BNC2: variants seen among roughly 807,000 people sequenced by gnomAD.
BNC2 encodes zinc finger protein basonuclin-2.
Under a neutral mutation model 76.3 loss-of-function variants are expected in BNC2, and 20 were observed. The observed-to-expected ratio is 0.26, with a 90% CI of 0.18 to 0.38. BNC2 has a LOEUF of 0.38. Among genes scored for constraint, BNC2 ranks in the 10% least tolerant of loss-of-function variants. The probability of loss-of-function intolerance (pLI) is 1.00; values close to 1 mark genes in which losing one functional copy is unlikely to be tolerated. For missense variants in BNC2, 1,382 were observed against 1,399.8 expected (o/e 0.99, Z 0.20); for synonymous variants, 582 against 514.8 (o/e 1.13, Z -1.77).
At chr9:16,663,128 C>CTTTTTTTT (rs1220327938) in intron 3 of BNC2, among the ~76,000 whole-genome samples, 19 of 51,674 alleles carry the variant, frequency 3.7e-4, no homozygotes, top group African/African-American at 1.0e-3. Context: ...ACTCTGTTTA[C>CTTTTTTTT]TCTTTTTTTT....
At chr9:16,558,996 T>C (rs889351476) in intron 4 of BNC2, among the ~76,000 whole-genome samples, 1 of 151,914 alleles carries the variant, frequency 6.6e-6, no homozygotes, top group African/African-American at 2.4e-5. Context: ...AGTATGTTAG[T>C]TCCAGGCTGA....
intron 4 of BNC2, among the ~76,000 whole-genome samples, chr9:16,557,328 A>G (rs988024559): frequency 6.6e-6 from 1 of 151,886 alleles, no homozygotes; most frequent in African/African-American, 2.4e-5. Context: ...GGGAAACTCC[A>G]CCTTTACTAA....
intron 1 of BNC2, among the ~76,000 whole-genome samples, chr9:16,802,105 C>A (rs1817799639): frequency 6.6e-6 from 1 of 152,140 alleles, no homozygotes; most frequent in Non-Finnish European, 1.5e-5. Context: ...AAGAAAAAAA[C>A]ATAGCTATCA....
intron 1 of BNC2, among the ~76,000 whole-genome samples, chr9:16,808,696 CT>C (rs201554413): frequency 2.4e-4 from 35 of 144,582 alleles, no homozygotes; most frequent in Admixed American, 4.2e-4. Context: ...GTTGCCCAAG[CT>C]TTTTTTTTTA....
chr9:16,733,557 A>G (rs1323357114), intron 2 of BNC2, among the ~76,000 whole-genome samples: 2 of 152,184 alleles, frequency 1.3e-5, no homozygotes, highest in Non-Finnish European at 2.9e-5. Context: ...CGCCCAAAAA[A>G]AAAAGAAAAC....
chr9:16,478,962 G>C (rs985598315), intron 5 of BNC2, among the ~76,000 whole-genome samples: 1 of 152,158 alleles, frequency 6.6e-6, no homozygotes, highest in Non-Finnish European at 1.5e-5. Flanking sequence ...GAAAAACTTG[G>C]TGGTTGGGGC....
chr9:16,751,863 C>A (rs922709962), intron 1 of BNC2, among the ~76,000 whole-genome samples: 1 of 151,874 alleles, frequency 6.6e-6, no homozygotes, highest in African/African-American at 2.4e-5. Flanking sequence ...AACCCCATCT[C>A]TACTAAAATA....
intron 5 of BNC2, among the ~76,000 whole-genome samples, chr9:16,507,594 A>G (rs902150048): frequency 4.6e-5 from 7 of 152,050 alleles, no homozygotes; most frequent in African/African-American, 1.4e-4. Context: ...ATGCCTGGCT[A>G]ATTTTTGTAT....
chr9:16,566,137 CTCATA>C (rs1221828242), intron 4 of BNC2, among the ~76,000 whole-genome samples: 1 of 152,082 alleles, frequency 6.6e-6, no homozygotes, highest in East Asian at 1.9e-4. Flanking sequence ...GAGAGGCTCC[CTCATA>C]TAAGAGGAAA....
At chr9:16,792,524 C>A (rs1367565494) in intron 1 of BNC2, among the ~76,000 whole-genome samples, 1 of 152,148 alleles carries the variant, frequency 6.6e-6, no homozygotes, top group Non-Finnish European at 1.5e-5. Context: ...GGCAAAAGAA[C>A]AAGGATGCAC....
chr9:16,435,009 G>A (rs2130835862), intron 6 of BNC2: 1 of 471,274 alleles, frequency 2.1e-6, no homozygotes, highest in East Asian at 6.9e-5. Context: ...ACTCATGTAA[G>A]GAATGATAAC....
At chr9:16,708,832 C>A (rs1005562662) in intron 3 of BNC2, among the ~76,000 whole-genome samples, 2 of 152,230 alleles carry the variant, frequency 1.3e-5, no homozygotes, top group Admixed American at 1.3e-4. Flanking sequence ...GCCTGAGATG[C>A]TGATTCAGCG....
chr9:16,815,463 A>G (rs1490689909), intron 1 of BNC2, among the ~76,000 whole-genome samples: 1 of 152,250 alleles, frequency 6.6e-6, no homozygotes, highest in Non-Finnish European at 1.5e-5. Context: ...AGGCAACTGC[A>G]ATGGTCACAG....
intron 1 of BNC2, among the ~76,000 whole-genome samples, chr9:16,794,150 C>T (rs1817586758): frequency 6.6e-6 from 1 of 151,984 alleles, no homozygotes; most frequent in South Asian, 2.1e-4. Flanking sequence ...AAGGTATTGT[C>T]CTCAGGCTGG....
intron 1 of BNC2, among the ~76,000 whole-genome samples, chr9:16,852,416 TATAATAA>T (rs1171472630): frequency 1.3e-5 from 2 of 152,196 alleles, no homozygotes; most frequent in Non-Finnish European, 2.9e-5. Context: ...TCTCAATGGT[TATAATAA>T]ATAAGTTTTG....
intron 3 of BNC2, among the ~76,000 whole-genome samples, chr9:16,673,429 T>G (rs1822540115): frequency 7.6e-6 from 1 of 132,382 alleles, no homozygotes; most frequent in Non-Finnish European, 1.5e-5. Context: ...ATTCTGAGAT[T>G]TAAAAAAAAA....
intron 3 of BNC2, among the ~76,000 whole-genome samples, chr9:16,726,009 C>T (rs2134955787): frequency 6.6e-6 from 1 of 152,006 alleles, no homozygotes; most frequent in East Asian, 1.9e-4. Flanking sequence ...CACGCACACA[C>T]ACACACACGA....
chr9:16,713,776 A>C (rs2134758248), intron 3 of BNC2, among the ~76,000 whole-genome samples: 1 of 152,260 alleles, frequency 6.6e-6, no homozygotes, highest in Non-Finnish European at 1.5e-5. Flanking sequence ...TAAAATTAAA[A>C]TACTTACTCA....
intron 5 of BNC2, among the ~76,000 whole-genome samples, chr9:16,462,920 C>G (rs890254541): frequency 2.0e-5 from 3 of 152,144 alleles, no homozygotes; most frequent in African/African-American, 7.2e-5. Context: ...TGTTTGATGT[C>G]CTAGTTTTAT....
Sources: allele counts gnomAD v4.1 joint callset (sites outside exome capture counted in the v4.1 genomes callset), GRCh38; gene constraint gnomAD v4.1.1; transcripts MANE v1.5; gene names NCBI Gene and HGNC (gene_info 2026-07-23, HGNC 2026-07-21).